Variants in CELF4 observed in about 807,000 individuals in gnomAD.
CELF4 encodes CUGBP Elav-like family member 4, also known as CUG-BP- and ETR-3-like factor 4.
CELF4 carries 18 observed loss-of-function variants against 59.9 expected under a neutral mutation model. That is an observed-to-expected ratio of 0.30 (90% confidence interval 0.21 to 0.45). CELF4 has a LOEUF of 0.45. CELF4 is among the 20% of genes least tolerant of loss of function. The pLI is 1.00. For synonymous variants in CELF4, 261 were observed against 267.1 expected (o/e 0.98, Z 0.22); for missense variants, 456 against 689.0 (o/e 0.66, Z 3.79).
At chr18:37,468,657 A>G (rs763351188) in intron 2 of CELF4, among the ~76,000 whole-genome samples, 3 of 152,176 alleles carry the variant, frequency 2.0e-5, no homozygotes, top group Non-Finnish European at 4.4e-5. Context: ...TAATTTATCA[A>G]GAAAAGAGGT....
intron 2 of CELF4, among the ~76,000 whole-genome samples, chr18:37,409,098 G>A (rs897674515): frequency 2.6e-5 from 4 of 152,220 alleles, no homozygotes; most frequent in Non-Finnish European, 4.4e-5. Flanking sequence ...GTGGCCATGC[G>A]GAAGAAACCC....
At chr18:37,379,130 G>A (rs564096614) in intron 2 of CELF4, among the ~76,000 whole-genome samples, 1 of 152,178 alleles carries the variant, frequency 6.6e-6, no homozygotes, top group Non-Finnish European at 1.5e-5. Context: ...TCATCCAGTT[G>A]TTCACCTGCC....
chr18:37,271,799 G>C (rs1174111452), intron 7 of CELF4, among the ~76,000 whole-genome samples: 1 of 152,212 alleles, frequency 6.6e-6, no homozygotes, highest in Non-Finnish European at 1.5e-5. Flanking sequence ...AATAGTAGTG[G>C]TCATGATGGT....
chr18:37,402,506 G>T (rs2099343066), intron 2 of CELF4, among the ~76,000 whole-genome samples: 1 of 152,264 alleles, frequency 6.6e-6, no homozygotes, highest in African/African-American at 2.4e-5. Flanking sequence ...TGTGTTCTGA[G>T]TGGGAGCCCC....
chr18:37,286,887 C>T (rs1287486555), intron 3 of CELF4, among the ~76,000 whole-genome samples: 7 of 152,196 alleles, frequency 4.6e-5, no homozygotes, highest in Admixed American at 2.0e-4. Flanking sequence ...TTCCTGATCA[C>T]CTGCAGAAGG....
Position 37,442,335 on chromosome 18 carries a change from C to T in CELF4, c.369+43190G>A, listed in dbSNP as rs1008309023. ...GGAAGTTGAGAATCCACACTCAATA[C>T]GCACCAAACTCTTAGATCTCAGATT... On this transcript the variant is annotated intron_variant, in intron 2 of 12. Transcript: ENST00000420428. Among the ~76,000 whole-genome samples the T allele has an allele frequency of 9.9e-5, 15 of 152,138 alleles. No individual in the cohort carries two copies. The East Asian group carries it at 2.5e-3, about 25-fold the overall frequency.
chr18:37,344,536 C>G (rs2098177311), intron 2 of CELF4, among the ~76,000 whole-genome samples: 1 of 152,236 alleles, frequency 6.6e-6, no homozygotes, highest in Non-Finnish European at 1.5e-5. Context: ...GCAAGAGAAA[C>G]TACAGGTAGA....
intron 8 of CELF4, 66 bp from the exon 9 acceptor site, chr18:37,266,664 T>TGA: frequency 4.6e-6 from 6 of 1,293,516 alleles, no homozygotes; most frequent in South Asian, 1.3e-5. Context: ...CTCATGCCCA[T>TGA]GGGGACAATG....
intron 2 of CELF4, among the ~76,000 whole-genome samples, chr18:37,444,423 G>C (rs1053030678): frequency 1.3e-5 from 2 of 152,120 alleles, no homozygotes; most frequent in Non-Finnish European, 2.9e-5. Flanking sequence ...GAGGCAGCGG[G>C]CATCATCTGT....
chr18:37,300,173 C>T lies in CELF4; in HGVS notation c.448+21630G>A, dbSNP rs550566424. ...TGCTGTTGTAGGTGTTCACTGAACA[C>T]ACCACACTCCCTTGTGCCTGCTTGT... On this transcript the variant is annotated intron_variant, in intron 3 of 12. Transcript: ENST00000420428. Among the ~76,000 whole-genome samples the T allele has an allele frequency of 5.9e-5, 9 of 152,114 alleles. No homozygotes were observed. The South Asian group carries it at 1.0e-3, about 18-fold the overall frequency.
chr18:37,447,473 C>A (rs140194613), intron 2 of CELF4, among the ~76,000 whole-genome samples: 1 of 152,230 alleles, frequency 6.6e-6, no homozygotes, highest in Non-Finnish European at 1.5e-5. Flanking sequence ...CCTTTACCAC[C>A]CCTTCCAATC....
At chr18:37,495,976 C>A (rs971323906) in intron 1 of CELF4, among the ~76,000 whole-genome samples, 3 of 152,132 alleles carry the variant, frequency 2.0e-5, no homozygotes, top group African/African-American at 7.2e-5. Context: ...AGGACAGACC[C>A]TCCCTTTGGG....
At chr18:37,263,707 C>A (rs1372601008) in intron 10 of CELF4, among the ~76,000 whole-genome samples, 1 of 152,054 alleles carries the variant, frequency 6.6e-6, no homozygotes, top group East Asian at 1.9e-4. Flanking sequence ...AAAGATCTTG[C>A]TGTCCTGCCC....
At chr18:37,426,106 A>G (rs2099610694) in intron 2 of CELF4, among the ~76,000 whole-genome samples, 1 of 152,176 alleles carries the variant, frequency 6.6e-6, no homozygotes, top group Admixed American at 6.5e-5. Context: ...CTTTCCCCCC[A>G]GTAGCACTGG....
At chr18:37,478,733 G>A (rs1164691380) in intron 2 of CELF4, among the ~76,000 whole-genome samples, 1 of 152,238 alleles carries the variant, frequency 6.6e-6, no homozygotes, top group Non-Finnish European at 1.5e-5. Context: ...AGTTTCGAAG[G>A]CATCACAGAT....
intron 3 of CELF4, among the ~76,000 whole-genome samples, chr18:37,291,198 C>T (rs1345852214): frequency 1.3e-5 from 2 of 152,134 alleles, no homozygotes; most frequent in Admixed American, 6.5e-5. Context: ...CATGAGCCAC[C>T]GTGCCTGGCA....
intron 2 of CELF4, among the ~76,000 whole-genome samples, chr18:37,350,812 C>T (rs1159210174): frequency 6.6e-6 from 1 of 152,194 alleles, no homozygotes; most frequent in Non-Finnish European, 1.5e-5. Flanking sequence ...CTGGGATCCC[C>T]AGTTCCAGGG....
At chr18:37,279,416 C>T (rs923423165) in intron 3 of CELF4, among the ~76,000 whole-genome samples, 3 of 152,158 alleles carry the variant, frequency 2.0e-5, no homozygotes, top group African/African-American at 7.2e-5. Context: ...AGGTCAGGGG[C>T]TCAGCCCTGG....
At chr18:37,511,249 C>T (rs1157713936) in intron 1 of CELF4, among the ~76,000 whole-genome samples, 2 of 152,192 alleles carry the variant, frequency 1.3e-5, no homozygotes, top group African/African-American at 4.8e-5. Context: ...CTGCCCTCCA[C>T]AGGCAGGCTC....
Sources: allele counts gnomAD v4.1 joint callset (sites outside exome capture counted in the v4.1 genomes callset), GRCh38; gene constraint gnomAD v4.1.1; transcripts MANE v1.5; gene names NCBI Gene and HGNC (gene_info 2026-07-23, HGNC 2026-07-21).